The following IDO2 variants were observed in gnomAD, a reference collection of about 807,000 sequenced individuals.
IDO2 encodes indoleamine 2,3-dioxygenase 2, also known as indoleamine 2,3-dioxygenase-like 1 protein.
IDO2 carries 46 observed loss-of-function variants against 45.1 expected under a neutral mutation model. The observed-to-expected ratio is 1.02, with a 90% CI of 0.80 to 1.30. The LOEUF (loss-of-function observed/expected upper bound fraction) is 1.30, where lower values mean the gene tolerates loss of function less well. Ranked by LOEUF, IDO2 falls within the 50% of genes most tolerant of loss-of-function variation. The pLI is 0.00. For synonymous variants in IDO2, 218 were observed against 184.9 expected (o/e 1.18, Z -1.45); for missense variants, 544 against 491.8 (o/e 1.11, Z -1.00).
At chr8:39,982,659 C>G in exon 5 of IDO2, 2 of 1,604,424 alleles carry the variant, frequency 1.2e-6, no homozygotes, top group Non-Finnish European at 1.7e-6. Flanking sequence ...AAGGTCCTGC[C>G]AAGGAATCTT....
chr8:39,940,786 C>T (rs1196067397), intron 1 of IDO2, among the ~76,000 whole-genome samples: 1 of 151,930 alleles, frequency 6.6e-6, no homozygotes. Context: ...CTCTGCTTCC[C>T]AAAACAAAGA....
intron 5 of IDO2, 60 bp from the exon 6 acceptor site, chr8:39,985,448 T>G: frequency 2.1e-6 from 3 of 1,432,528 alleles, no homozygotes; most frequent in Non-Finnish European, 2.9e-6. Flanking sequence ...GTTTACAAAC[T>G]GAATTGTTCT....
intron 4 of IDO2, among the ~76,000 whole-genome samples, chr8:39,979,635 G>A (rs557497198): frequency 5.3e-5 from 8 of 152,164 alleles, no homozygotes; most frequent in Non-Finnish European, 1.0e-4. Context: ...TTATAGGCGT[G>A]AGCCACTGCG....
At chr8:39,963,794 G>T in intron 3 of IDO2, 91 bp downstream of exon 3, 1 of 738,734 alleles carries the variant, frequency 1.4e-6, no homozygotes. Context: ...CAATTGTCCT[G>T]GGAAACTGTT....
chr8:39,996,085 AAAAG>A (rs1211898800), intron 8 of IDO2, among the ~76,000 whole-genome samples: 1 of 150,938 alleles, frequency 6.6e-6, no homozygotes. Flanking sequence ...AAAAAAAAAA[AAAAG>A]AAAAGAAAAG....
chr8:39,964,674 C>CT (rs763964012), intron 3 of IDO2, among the ~76,000 whole-genome samples: 30 of 152,184 alleles, frequency 2.0e-4, no homozygotes, highest in Non-Finnish European at 4.1e-4. Context: ...GCTTCAATGT[C>CT]TGTGAAGATA....
Position 39,949,132 on chromosome 8 carries a change from T to C in IDO2, c.-17-17T>C, listed in dbSNP as rs757586618. Reference sequence around the variant, plus strand: ...TTATTAGGAACAATTGATTCTTCAGTGACACTTTCCATGCAGATACTTCAA... The same window carrying C: ...TTATTAGGAACAATTGATTCTTCAGCGACACTTTCCATGCAGATACTTCAA... On this transcript the variant is annotated splice_polypyrimidine_tract_variant and intron_variant, in intron 1 of 10. Coordinates refer to ENST00000502986, the Ensembl canonical transcript of IDO2. The C allele has an allele frequency of 9.5e-6, 15 of 1,584,824 alleles. No homozygotes were observed. Among genetic ancestry groups the C allele is most frequent in the East Asian group, 4.5e-5 (2 of 44,120 alleles).
chr8:40,011,449 C>T lies in IDO2; in HGVS notation c.720-2116C>T, dbSNP rs141426526. On this transcript the variant is annotated intron_variant, in intron 9 of 10. Coordinates refer to ENST00000502986, the Ensembl canonical transcript of IDO2. Reference sequence around the variant, plus strand: ...AGCAGTTATGTCTTTCATGTTTCTTCCCCATAAAATGTTGTTCATCAACTT... The same window carrying T: ...AGCAGTTATGTCTTTCATGTTTCTTTCCCATAAAATGTTGTTCATCAACTT... 1.6e-3 allele frequency among the ~76,000 whole-genome samples: 245 copies of T among 152,282 alleles called. 2 individuals are homozygous for T. Among genetic ancestry groups the T allele is most frequent in the African/African-American group, 4.9e-3 (205 of 41,544 alleles).
chr8:39,952,291 G>T (rs966674336), intron 2 of IDO2, among the ~76,000 whole-genome samples: 36 of 152,200 alleles, frequency 2.4e-4, no homozygotes, highest in Non-Finnish European at 8.8e-5. Context: ...TAGTTGAAAG[G>T]CAAGCGTCAG....
intron 3 of IDO2, among the ~76,000 whole-genome samples, chr8:39,968,078 C>CAAAAAA (rs35600937): frequency 2.2e-4 from 31 of 139,222 alleles, no homozygotes; most frequent in Non-Finnish European, 1.1e-4. Flanking sequence ...TCATAATCAC[C>CAAAAAA]AAAAAAAAAA....
chr8:39,999,803 G>A (rs1468939628), intron 8 of IDO2, among the ~76,000 whole-genome samples: 1 of 152,174 alleles, frequency 6.6e-6, no homozygotes, highest in Non-Finnish European at 1.5e-5. Flanking sequence ...AAGAGGATGA[G>A]AAGAAAGGTC....
intron 2 of IDO2, among the ~76,000 whole-genome samples, chr8:39,956,251 G>C (rs7826274): frequency 1.3e-5 from 2 of 151,928 alleles, no homozygotes; most frequent in Non-Finnish European, 2.9e-5. Context: ...TAGTAAAGAC[G>C]GGATTTCCCC....
At chr8:39,993,133 C>G (rs7823148) in intron 8 of IDO2, among the ~76,000 whole-genome samples, 37,613 of 152,080 alleles carry the variant, frequency 0.25, 5,510 homozygotes, top group East Asian at 0.69. Context: ...TTTGGAGCTG[C>G]TTTCCAGCGA....
At chr8:39,986,669 T>C (rs1299480932) in intron 6 of IDO2, among the ~76,000 whole-genome samples, 1 of 128,618 alleles carries the variant, frequency 7.8e-6, no homozygotes, top group African/African-American at 2.9e-5. Flanking sequence ...TTGTACAGCA[T>C]TGAGATAGAT....
At chr8:39,965,253 A>T (rs111612687) in intron 3 of IDO2, among the ~76,000 whole-genome samples, 1 of 152,234 alleles carries the variant, frequency 6.6e-6, no homozygotes, top group Non-Finnish European at 1.5e-5. Context: ...TGGGAGGCCA[A>T]GGCTGGCGGA....
intron 5 of IDO2, chr8:39,985,106 A>G (rs561683071): frequency 6.5e-5 from 20 of 305,460 alleles, no homozygotes; most frequent in East Asian, 3.0e-4. Context: ...TAATTTTTGT[A>G]TTTTTAGAGA....
At chr8:40,005,204 C>T in intron 8 of IDO2, 123 bp from the exon 9 acceptor site, 2 of 525,338 alleles carry the variant, frequency 3.8e-6, no homozygotes, top group East Asian at 3.0e-5. Context: ...CTGCAGCTTT[C>T]ATTCCAGGTC....
At chr8:39,955,770 C>T (rs1488520771) in intron 2 of IDO2, among the ~76,000 whole-genome samples, 1 of 152,214 alleles carries the variant, frequency 6.6e-6, no homozygotes, top group East Asian at 1.9e-4. Flanking sequence ...GCTATTTTGG[C>T]ATGTCCTCTA....
chr8:40,003,807 C>T (rs746117001), intron 8 of IDO2, among the ~76,000 whole-genome samples: 6 of 152,090 alleles, frequency 3.9e-5, no homozygotes, highest in African/African-American at 9.7e-5. Flanking sequence ...TTTAGTTTCA[C>T]ATTTGAAAAA....
Sources: gnomAD v4.1 joint callset for allele counts (sites outside exome capture counted in the v4.1 genomes callset) on GRCh38, gnomAD v4.1.1 for gene constraint, MANE v1.5 for transcripts, NCBI Gene and HGNC (gene_info 2026-07-23, HGNC 2026-07-21) for gene names.